The following UBOX5 variants were observed in gnomAD, a reference collection of about 807,000 sequenced individuals.
UBOX5 encodes U-box domain containing 5.
In UBOX5, 28 loss-of-function variants were observed where a neutral mutation model predicts 39.0. That is an observed-to-expected ratio of 0.72 (90% CI 0.53 to 0.98). The LOEUF (loss-of-function observed/expected upper bound fraction) is 0.98. UBOX5 is among the 50% of genes least tolerant of loss of function. The pLI is 0.00. For synonymous variants in UBOX5, 283 were observed against 275.5 expected (o/e 1.03, Z -0.27); for missense variants, 585 against 674.4 (o/e 0.87, Z 1.47).
chr20:3,154,627 G>A (rs1405122117), intron 1 of UBOX5, among the ~76,000 whole-genome samples: 1 of 152,102 alleles, frequency 6.6e-6, no homozygotes, highest in Non-Finnish European at 1.5e-5. Context: ...AGGCTGCAGT[G>A]AGCTGTGATC....
intron 1 of UBOX5, among the ~76,000 whole-genome samples, chr20:3,158,219 C>G (rs1346865561): frequency 6.6e-6 from 1 of 152,118 alleles, no homozygotes; most frequent in East Asian, 1.9e-4. Flanking sequence ...AATCCTTCCA[C>G]TTCGGCCTCC....
At position 3,121,944 on chromosome 20, in the gene UBOX5, C is replaced by T. The variant is rs1445230379; in HGVS notation, c.695G>A (p.Ser232Asn). 6.2e-7 allele frequency: 1 copy of T among 1,613,932 alleles called. No homozygotes were observed. Among genetic ancestry groups the T allele is most frequent in the Non-Finnish European group, 8.5e-7 (1 of 1,180,036 alleles). ...AGGCTGGTCCCCAGGGTCACAGTCA[C>T]TTTCCATGGGCAAGGCTGGAGCCTG... ...ALQAPALPMESDCDPGDQPES... is the reference protein window; with the variant it reads ...ALQAPALPMENDCDPGDQPES... Residue 232 changes from serine to asparagine, a missense_variant, in exon 3 of 5, where the codon AGT (serine) becomes AAT (asparagine). By Grantham distance (46) the Ser-to-Asn change is conservative. Transcript: ENST00000217173.
intron 1 of UBOX5, chr20:3,148,415 G>C (rs1349822356): frequency 1.2e-6 from 2 of 1,614,152 alleles, no homozygotes; most frequent in East Asian, 2.2e-5. Flanking sequence ...ATGGGAGTGA[G>C]GGATTCCTAA....
chr20:3,125,202 T>G (rs1268051609), intron 1 of UBOX5, among the ~76,000 whole-genome samples: 7 of 139,634 alleles, frequency 5.0e-5, no homozygotes, highest in Non-Finnish European at 1.1e-4. Flanking sequence ...ATCTGAGAAG[T>G]GAGGAGTGCC....
rs1295553139 is a variant in UBOX5, at chr20:3,125,767, G to A, written c.-41-2361C>T. Among the ~76,000 whole-genome samples the A allele has an allele frequency of 1.6e-4, 22 of 141,930 alleles. No homozygotes were observed. In the South Asian group the frequency reaches 1.6e-3, roughly 10 times the overall value. The allele number at this position is 141,930 out of a possible 152,430, so 93.1% of individuals were successfully genotyped here. A position where few individuals can be genotyped will look rare whatever the true frequency, so the allele number is the denominator to read the frequency against. ...AGGAGCGCCTCTGCCCGGCCACCCC[G>A]TCTGGGAGGTGAGGAGCGCCTCTGC... On this transcript the variant is annotated intron_variant, in intron 1 of 4. Coordinates refer to ENST00000217173, the MANE Select transcript of UBOX5 (RefSeq NM_014948.4).
chr20:3,133,818 C>T (rs184989985), intron 1 of UBOX5, among the ~76,000 whole-genome samples: 1 of 151,900 alleles, frequency 6.6e-6, no homozygotes, highest in Non-Finnish European at 1.5e-5. Context: ...GCAATCTCGG[C>T]TCACTGCAAC....
chr20:3,152,333 T>C (rs943467600), intron 1 of UBOX5, among the ~76,000 whole-genome samples: 1 of 151,176 alleles, frequency 6.6e-6, no homozygotes, highest in Non-Finnish European at 1.5e-5. Context: ...TACAAAAAAT[T>C]AGCCAGGCGT....
intron 4 of UBOX5, among the ~76,000 whole-genome samples, chr20:3,111,185 GGA>G (rs2066251454): frequency 6.6e-6 from 1 of 152,210 alleles, no homozygotes; most frequent in African/African-American, 2.4e-5. Context: ...TGGCCCCTCT[GGA>G]GAGTGACAGG....
chr20:3,119,652 G>A (rs561098685), intron 3 of UBOX5, among the ~76,000 whole-genome samples: 20 of 152,120 alleles, frequency 1.3e-4, no homozygotes, highest in African/African-American at 4.6e-4. Flanking sequence ...TCAGGAGTTC[G>A]AGACCAACCT....
chr20:3,117,747 T>C (rs1252697949), intron 3 of UBOX5, among the ~76,000 whole-genome samples: 1 of 151,772 alleles, frequency 6.6e-6, no homozygotes, highest in Non-Finnish European at 1.5e-5. Flanking sequence ...ATCCCAGCAC[T>C]TTGGGAGGCT....
chr20:3,118,731 C>T (rs2066312258), intron 3 of UBOX5, among the ~76,000 whole-genome samples: 1 of 150,492 alleles, frequency 6.6e-6, no homozygotes, highest in Non-Finnish European at 1.5e-5. Flanking sequence ...AAGATCGCGC[C>T]ACTGCACTCC....
intron 1 of UBOX5, among the ~76,000 whole-genome samples, chr20:3,134,893 T>C (rs889613095): frequency 6.6e-6 from 1 of 151,710 alleles, no homozygotes; most frequent in Non-Finnish European, 1.5e-5. Flanking sequence ...ATATACATAA[T>C]ATAAAGGTAA....
At chr20:3,142,914 C>T (rs1361788189) in intron 1 of UBOX5, among the ~76,000 whole-genome samples, 2 of 150,622 alleles carry the variant, frequency 1.3e-5, no homozygotes, top group Admixed American at 6.6e-5. Flanking sequence ...GAAGTTCCAA[C>T]CAGAGCAATA....
chr20:3,141,549 G>A (rs902925643), intron 1 of UBOX5, among the ~76,000 whole-genome samples: 48 of 152,084 alleles, frequency 3.2e-4, no homozygotes, highest in African/African-American at 1.1e-3. Context: ...GGGAGGCTTA[G>A]GCAGGAGAAT....
At chr20:3,114,238 G>T (rs749038488) in intron 4 of UBOX5, among the ~76,000 whole-genome samples, 1 of 152,186 alleles carries the variant, frequency 6.6e-6, no homozygotes, top group African/African-American at 2.4e-5. Context: ...TGCCGGAGAT[G>T]TGAGTTTTCA....
chr20:3,113,138 T>C (rs1193133316), intron 4 of UBOX5, among the ~76,000 whole-genome samples: 2 of 144,894 alleles, frequency 1.4e-5, no homozygotes, highest in African/African-American at 5.2e-5. Context: ...AAAAAAAAAA[T>C]TAGCTGGGCT....
intron 3 of UBOX5, among the ~76,000 whole-genome samples, chr20:3,117,580 A>C (rs914713444): frequency 1.3e-5 from 2 of 152,206 alleles, no homozygotes; most frequent in African/African-American, 2.4e-5. Context: ...GCTACTCAGG[A>C]GGCAGAAGCA....
At chr20:3,120,051 C>T (rs574968811) in intron 3 of UBOX5, among the ~76,000 whole-genome samples, 1 of 151,404 alleles carries the variant, frequency 6.6e-6, no homozygotes, top group East Asian at 2.0e-4. Flanking sequence ...ATCCTTAAAT[C>T]TCATACTCAA....
intron 1 of UBOX5, chr20:3,148,830 T>G: frequency 6.2e-7 from 1 of 1,614,246 alleles, no homozygotes. Context: ...GAAGTCTTGC[T>G]GAATTCCAAA....
Sources: allele counts gnomAD v4.1 joint callset (sites outside exome capture counted in the v4.1 genomes callset), GRCh38; gene constraint gnomAD v4.1.1; transcripts MANE v1.5; gene names NCBI Gene and HGNC (gene_info 2026-07-23, HGNC 2026-07-21).